The following GNPDA1 variants were observed in gnomAD, a reference collection of about 807,000 sequenced individuals.
GNPDA1 encodes the protein glucosamine-6-phosphate deaminase 1.
Under a neutral mutation model 28.5 loss-of-function variants are expected in GNPDA1, and 24 were observed. The ratio of observed to expected loss-of-function variants is 0.84; its 90% confidence interval spans 0.61 to 1.19. GNPDA1 has a LOEUF of 1.19. Among genes scored for constraint, GNPDA1 ranks in the 50% most tolerant of loss-of-function variants. The pLI is 0.00. For missense variants in GNPDA1, 264 were observed against 367.3 expected (o/e 0.72, Z 2.30); for synonymous variants, 147 against 139.3 (o/e 1.06, Z -0.39).
At chr5:142,005,413 A>C (rs1388648644) in intron 4 of GNPDA1, 1 of 252,432 alleles carries the variant, frequency 4.0e-6, no homozygotes, top group East Asian at 7.2e-5. Context: ...GAAACACTCC[A>C]AACAGCTTCT....
chr5:142,011,291 C>T (rs1249467228), intron 2 of GNPDA1, among the ~76,000 whole-genome samples: 2 of 149,896 alleles, frequency 1.3e-5, no homozygotes, highest in African/African-American at 4.9e-5. Context: ...AACACACACA[C>T]ACACACATAG....
intron 4 of GNPDA1, 187 bp downstream of exon 4, chr5:142,005,957 G>A (rs1370122385): frequency 5.6e-6 from 3 of 533,100 alleles, no homozygotes; most frequent in South Asian, 2.5e-5. Context: ...GCATCAAACT[G>A]CAGAAAGAGA....
chr5:142,011,712 T>C (rs1755960255), intron 2 of GNPDA1, 200 bp downstream of exon 2: 2 of 517,728 alleles, frequency 3.9e-6, no homozygotes, highest in Non-Finnish European at 7.0e-6. Context: ...TCCAGGATTC[T>C]GCAGGGACAG....
At position 142,011,728 on chromosome 5, in the gene GNPDA1, G is replaced by A. The variant is rs138991015; in HGVS notation, c.124+184C>T. 1.5e-4 allele frequency: 83 copies of A among 564,890 alleles called. 1 individual carries two copies. The Admixed American group carries it at 1.5e-3, about 10-fold the overall frequency. 35.0% of individuals were successfully genotyped at this position (564,890 alleles called of 1,614,324 possible). A position where few individuals can be genotyped will look rare whatever the true frequency, so the allele number is the denominator to read the frequency against. On this transcript the variant is annotated intron_variant, in intron 2 of 6. Coordinates refer to ENST00000311337, the MANE Select transcript of GNPDA1 (RefSeq NM_005471.5). Reference sequence around the variant, plus strand: ...CCAGGATTCTGCAGGGACAGGCAGCGACTAAACCAACCCATAAGGGAAGCT... The same window carrying A: ...CCAGGATTCTGCAGGGACAGGCAGCAACTAAACCAACCCATAAGGGAAGCT...
intron 2 of GNPDA1, among the ~76,000 whole-genome samples, chr5:142,009,021 A>T (rs1437043034): frequency 1.3e-5 from 2 of 151,992 alleles, no homozygotes; most frequent in African/African-American, 4.8e-5. Flanking sequence ...AAGTGTCAGG[A>T]TGTCTGGAAC....
Position 142,005,001 on chromosome 5 carries a change from A to G in GNPDA1, c.525T>C (p.Asp175=), listed in dbSNP as rs1345601843. The G allele has an allele frequency of 1.2e-6, 2 of 1,613,420 alleles. No homozygotes were observed. The highest frequency in any genetic ancestry group is 1.3e-5 in the African/African-American group (1 of 74,914). Residue 175 remains aspartate (D), a synonymous_variant, in exon 5 of 7, where the codon GAT becomes GAC. Transcript: ENST00000311337. ...DTILANARFF[D]GELTKVPTMA... ...TGGTGGGCACCTTGGTGAGTTCTCC[A>G]TCGAAGAACCTAGCATTGGCCAGGA...
chr5:142,002,388 A>G (rs547904089), intron 6 of GNPDA1, among the ~76,000 whole-genome samples: 1 of 152,334 alleles, frequency 6.6e-6, no homozygotes, highest in East Asian at 1.9e-4. Flanking sequence ...GCAAAGGACA[A>G]ATTCCTAATT....
rs562033332 is a variant in GNPDA1, at chr5:142,001,944, A to C, written c.*85T>G. ...ATCTGGAGTAACCATACTAGATTAA[A>C]GAAATACAATTCTTTCTTCTAAAGA... On this transcript the variant is annotated 3_prime_UTR_variant, in exon 7 of 7. Coordinates refer to ENST00000311337, the MANE Select transcript of GNPDA1 (RefSeq NM_005471.5). 22 of 721,998 alleles carry C rather than the reference A, an allele frequency of 3.0e-5. No homozygotes were observed. The highest frequency in any genetic ancestry group is 5.3e-5 in the Non-Finnish European group (22 of 418,058). 44.7% of individuals were successfully genotyped at this position (721,998 alleles called of 1,614,324 possible).
intron 3 of GNPDA1, among the ~76,000 whole-genome samples, chr5:142,007,447 C>T (rs1644250237): frequency 6.6e-6 from 1 of 152,082 alleles, no homozygotes; most frequent in Non-Finnish European, 1.5e-5. Context: ...CTAGGGGAAA[C>T]ACCCGAGCCA....
chr5:142,011,914 G>A lies in GNPDA1; in HGVS notation c.122C>T (p.Thr41Ile). 6.2e-7 allele frequency: 1 copy of A among 1,614,090 alleles called. No individual in the cohort carries two copies. The highest frequency in any genetic ancestry group is 8.5e-7 in the Non-Finnish European group (1 of 1,179,944). The change falls in exon 2 of 7, where the codon ACT becomes ATT. Residue 41 changes from threonine to isoleucine, a missense_variant and splice_region_variant. Coordinates refer to ENST00000311337, the MANE Select transcript of GNPDA1 (RefSeq NM_005471.5). ...PEKYFTLGLP[T>I]GSTPLGCYKK... is the part of the protein sequence containing the mutation. Reference sequence around the variant, plus strand: ...ACCCTCTCCATCCAAGAACGCACCAGTGGGGAGCCCCAGGGTGAAGTACTT... The same window carrying A: ...ACCCTCTCCATCCAAGAACGCACCAATGGGGAGCCCCAGGGTGAAGTACTT...
chr5:142,002,755 A>C (rs1755706839), intron 6 of GNPDA1, among the ~76,000 whole-genome samples: 1 of 152,180 alleles, frequency 6.6e-6, no homozygotes, highest in Non-Finnish European at 1.5e-5. Context: ...CCCTGTCTCA[A>C]AAAGAAAGAA....
Position 142,006,050 on chromosome 5 carries a change from C to A in GNPDA1, c.409+94G>T, listed in dbSNP as rs1755794994. The A allele has an allele frequency of 2.8e-6, 3 of 1,054,738 alleles. No individual in the cohort carries two copies. The Admixed American group carries it at 5.9e-5, about 21-fold the overall frequency. 65.3% of individuals were successfully genotyped at this position (1,054,738 alleles called of 1,614,324 possible). A position where few individuals can be genotyped will look rare whatever the true frequency, so the allele number is the denominator to read the frequency against. On this transcript the variant is annotated intron_variant, in intron 4 of 6. Coordinates refer to ENST00000311337, the MANE Select transcript of GNPDA1 (RefSeq NM_005471.5). ...CTCTGTCTCTACGGTCACTAGCACACCCAGAAGAAGCTGTCTGCAGACAGG... is the reference window on the plus strand; with the variant it reads ...CTCTGTCTCTACGGTCACTAGCACAACCAGAAGAAGCTGTCTGCAGACAGG...
At chr5:142,005,821 C>T (rs140203407) in intron 4 of GNPDA1, among the ~76,000 whole-genome samples, 82 of 152,174 alleles carry the variant, frequency 5.4e-4, no homozygotes, top group African/African-American at 1.9e-3. Context: ...TGGAGCCTTC[C>T]GGAACTACAT....
intron 3 of GNPDA1, among the ~76,000 whole-genome samples, chr5:142,007,364 G>C (rs1755833369): frequency 6.6e-6 from 1 of 152,056 alleles, no homozygotes; most frequent in Admixed American, 6.5e-5. Flanking sequence ...CCAATCTCAG[G>C]TCCCCTTCAA....
At chr5:142,012,789 A>G in intron 1 of GNPDA1, 1 of 577,500 alleles carries the variant, frequency 1.7e-6, no homozygotes, top group Non-Finnish European at 2.2e-6. Context: ...AGTGTGAAGG[A>G]AAGAGGCGAA....
At chr5:142,012,621 G>C (rs969041286) in intron 1 of GNPDA1, 12 of 266,214 alleles carry the variant, frequency 4.5e-5, no homozygotes, top group Non-Finnish European at 6.4e-5. Flanking sequence ...TGCCTGGGGA[G>C]CTGTGTGCTC....
intron 4 of GNPDA1, 194 bp downstream of exon 4, chr5:142,005,950 T>G (rs1755791276): frequency 7.7e-6 from 4 of 517,456 alleles, no homozygotes; most frequent in African/African-American, 5.7e-5. Context: ...AGACAAGGCA[T>G]CAAACTGCAG....
Position 142,001,923 on chromosome 5 carries a change from G to A in GNPDA1, c.*106C>T. ...GAACAATAAGTTCACCCACTTATCT[G>A]GAGTAACCATACTAGATTAAAGAAA... On this transcript the variant is annotated 3_prime_UTR_variant, in exon 7 of 7. Coordinates refer to ENST00000311337, the MANE Select transcript of GNPDA1 (RefSeq NM_005471.5). 1.8e-6 allele frequency: 1 copy of A among 549,216 alleles called. No individual in the cohort carries two copies. Among genetic ancestry groups the A allele is most frequent in the Admixed American group, 3.4e-5 (1 of 29,234 alleles). The allele number at this position is 549,216 out of a possible 1,614,324, so 34.0% of individuals were successfully genotyped here. A position where few individuals can be genotyped will look rare whatever the true frequency, so the allele number is the denominator to read the frequency against.
intron 5 of GNPDA1, among the ~76,000 whole-genome samples, chr5:142,004,490 T>C (rs1420219701): frequency 2.0e-5 from 3 of 152,240 alleles, no homozygotes; most frequent in African/African-American, 7.2e-5. Context: ...TTAATCATAC[T>C]TCACCACATT....
Sources: gnomAD v4.1 joint callset for allele counts (sites outside exome capture counted in the v4.1 genomes callset) on GRCh38, gnomAD v4.1.1 for gene constraint, MANE v1.5 for transcripts, NCBI Gene and HGNC (gene_info 2026-07-23, HGNC 2026-07-21) for gene names.